Variants in CNTLN observed in about 807,000 individuals in gnomAD.
CNTLN encodes centlein, centrosomal protein.
A neutral mutation model predicts 180.0 loss-of-function variants in CNTLN; 212 were observed. The observed-to-expected ratio is 1.18, with a 90% CI of 1.05 to 1.32. The LOEUF (loss-of-function observed/expected upper bound fraction) is 1.32. Among genes scored for constraint, CNTLN ranks in the 40% most tolerant of loss-of-function variants. The pLI, the probability that CNTLN is intolerant of heterozygous loss-of-function variation, is 0.00. For synonymous variants in CNTLN, 722 were observed against 563.1 expected, an observed-to-expected ratio of 1.28 and a Z score of -3.99; for missense variants, 2,095 against 1,610.9, an observed-to-expected ratio of 1.30 and a Z score of -5.14.
At chr9:17,475,798 G>A (rs967624163) in intron 23 of CNTLN, among the ~76,000 whole-genome samples, 8 of 151,328 alleles carry the variant, frequency 5.3e-5, no homozygotes, top group Admixed American at 3.3e-4. Flanking sequence ...GCGTGAACCC[G>A]GGAGGTGGAG....
intron 2 of CNTLN, among the ~76,000 whole-genome samples, chr9:17,196,167 G>A (rs1253869602): frequency 1.3e-5 from 2 of 152,042 alleles, no homozygotes; most frequent in Non-Finnish European, 2.9e-5. Flanking sequence ...GGGATTACAG[G>A]CGCCTGCCAC....
chr9:17,243,195 TTTTA>T (rs1825600446), intron 5 of CNTLN, among the ~76,000 whole-genome samples: 1 of 152,148 alleles, frequency 6.6e-6, no homozygotes, highest in East Asian at 1.9e-4. Context: ...TCATCTCTGA[TTTTA>T]TTTATTTGGG....
Position 17,236,501 on chromosome 9 carries a change from C to T in CNTLN, c.762C>T (p.Cys254=), listed in dbSNP as rs754369172. 1.2e-6 allele frequency: 2 copies of T among 1,613,670 alleles called. No individual in the cohort carries two copies. The highest frequency in any genetic ancestry group is 1.1e-5 in the South Asian group (1 of 91,046). The change falls in exon 5 of 26, where the codon TGC becomes TGT. Residue 254 remains cysteine, a synonymous_variant. Transcript: ENST00000380647. ...AAAACAAGAAATTAAGTACCCGCTG[C>T]ACTGACCTGCTAAATGACCTGGAGA... ...EEENKKLSTR[C]TDLLNDLEKL...
downstream of CNTLN, among the ~76,000 whole-genome samples, chr9:17,506,529 G>T (rs538032307): frequency 5.3e-5 from 8 of 152,232 alleles, no homozygotes; most frequent in Non-Finnish European, 1.0e-4. Flanking sequence ...TGGGACAGCG[G>T]AAAGAGTGAA....
At chr9:17,351,453 C>T (rs114498151) in intron 12 of CNTLN, among the ~76,000 whole-genome samples, 1 of 152,268 alleles carries the variant, frequency 6.6e-6, no homozygotes, top group African/African-American at 2.4e-5. Flanking sequence ...ACCAAATTCA[C>T]GATCTCCAAA....
intron 13 of CNTLN, among the ~76,000 whole-genome samples, chr9:17,384,462 G>A (rs1825533177): frequency 6.6e-6 from 1 of 152,092 alleles, no homozygotes. Flanking sequence ...CTCCTGCCCA[G>A]GTAAACTCAA....
chr9:17,214,299 C>T (rs1563888626), intron 2 of CNTLN, among the ~76,000 whole-genome samples: 1 of 152,122 alleles, frequency 6.6e-6, no homozygotes. Context: ...TATTTTATTT[C>T]TCCTTCACTT....
chr9:17,160,161 A>AT (rs1819580878), intron 2 of CNTLN, among the ~76,000 whole-genome samples: 1 of 151,960 alleles, frequency 6.6e-6, no homozygotes, highest in African/African-American at 2.4e-5. Flanking sequence ...AAACTTTTTA[A>AT]TTTTTTTATC....
At chr9:17,333,411 C>G (rs922996786) in intron 10 of CNTLN, among the ~76,000 whole-genome samples, 1 of 151,918 alleles carries the variant, frequency 6.6e-6, no homozygotes, top group African/African-American at 2.4e-5. Context: ...TTCACAATTA[C>G]CTGAAGCTGT....
At chr9:17,472,882 A>G (rs190932691) in intron 23 of CNTLN, among the ~76,000 whole-genome samples, 1 of 152,144 alleles carries the variant, frequency 6.6e-6, no homozygotes, top group Non-Finnish European at 1.5e-5. Flanking sequence ...TCGTAACTCA[A>G]ATTCACTGGC....
intron 2 of CNTLN, among the ~76,000 whole-genome samples, chr9:17,174,346 A>C (rs539472892): frequency 1.1e-3 from 166 of 152,298 alleles, no homozygotes; most frequent in African/African-American, 3.7e-3. Context: ...TTTATCTGGG[A>C]TAAATGGCCA....
At chr9:17,211,400 G>A (rs1023377194) in intron 2 of CNTLN, among the ~76,000 whole-genome samples, 38 of 151,762 alleles carry the variant, frequency 2.5e-4, no homozygotes, top group Non-Finnish European at 3.8e-4. Context: ...GCTCTGTTCC[G>A]TTCCATTGGT....
At chr9:17,512,010 G>C in the CNTLN span, among the ~76,000 whole-genome samples, 1 of 152,184 alleles carries the variant, frequency 6.6e-6, no homozygotes, top group African/African-American at 2.4e-5. Flanking sequence ...ACATAAAGAT[G>C]CTCAACAGGT....
intron 2 of CNTLN, among the ~76,000 whole-genome samples, chr9:17,163,801 G>A (rs1175660856): frequency 6.6e-6 from 1 of 152,188 alleles, no homozygotes; most frequent in Non-Finnish European, 1.5e-5. Context: ...GCTGAGGCAT[G>A]TGGATTGCTT....
chr9:17,231,989 G>T (rs957932283), intron 3 of CNTLN, among the ~76,000 whole-genome samples: 7 of 151,922 alleles, frequency 4.6e-5, no homozygotes, highest in Admixed American at 2.0e-4. Context: ...TGGTTCCTCT[G>T]AATTCTGTTT....
chr9:17,306,033 A>G (rs1023525994), intron 7 of CNTLN, among the ~76,000 whole-genome samples: 2 of 152,152 alleles, frequency 1.3e-5, no homozygotes, highest in Non-Finnish European at 2.9e-5. Context: ...AGTCTTACAC[A>G]CCTAGTCATA....
chr9:17,265,806 A>C (rs61987577), intron 5 of CNTLN, among the ~76,000 whole-genome samples: 1 of 151,464 alleles, frequency 6.6e-6, no homozygotes, highest in African/African-American at 2.4e-5. Flanking sequence ...TTTCTTCTAC[A>C]TTTTCTGGTT....
intron 8 of CNTLN, among the ~76,000 whole-genome samples, chr9:17,325,510 A>G (rs932358311): frequency 6.0e-5 from 9 of 150,988 alleles, no homozygotes; most frequent in Admixed American, 6.6e-5. Flanking sequence ...TTTCTGATAT[A>G]TACGTGTATG....
intron 18 of CNTLN, among the ~76,000 whole-genome samples, chr9:17,452,140 T>G (rs1413486137): frequency 2.6e-5 from 4 of 152,232 alleles, no homozygotes; most frequent in East Asian, 1.9e-4. Flanking sequence ...TATATTGTTT[T>G]GGGAGTAATT....
Sources: allele counts gnomAD v4.1 joint callset (sites outside exome capture counted in the v4.1 genomes callset), GRCh38; gene constraint gnomAD v4.1.1; transcripts MANE v1.5; gene names NCBI Gene and HGNC (gene_info 2026-07-23, HGNC 2026-07-21).